Variants in DIPK2A observed in about 807,000 individuals in gnomAD.
DIPK2A encodes the protein divergent protein kinase domain 2A, also known as Golgi Protein of 49 kDa.
Under a neutral mutation model 39.0 loss-of-function variants are expected in DIPK2A, and 27 were observed. That is an observed-to-expected ratio of 0.69 (90% CI 0.51 to 0.96). The LOEUF is 0.96. Ranked by LOEUF, DIPK2A falls within the 40% of genes least tolerant of loss-of-function variation. The probability of loss-of-function intolerance (pLI) is 0.00; values close to 1 mark genes in which losing one functional copy is unlikely to be tolerated. For synonymous variants in DIPK2A, 298 were observed against 240.8 expected (o/e 1.24, Z -2.20); for missense variants, 528 against 571.3 (o/e 0.92, Z 0.77).
chr3:143,986,513 A>G (rs1025833311), intron 2 of DIPK2A, among the ~76,000 whole-genome samples: 36 of 152,234 alleles, frequency 2.4e-4, no homozygotes, highest in African/African-American at 7.9e-4. Context: ...TCACGAGGTC[A>G]GGAGATCGAG....
rs1559851908 is a variant in DIPK2A at position 143,972,780 on chromosome 3, AACG to A, written c.449_451del (p.Asn150_Gly151delinsSer). ...GCCCCGGACCGAGTTCGCGCGCCTC[AACG>A]GCGACGTGCGTCTGCTCACGCCCGA... On this transcript the variant is annotated inframe_deletion, in exon 1 of 3. Coordinates refer to ENST00000315691, the MANE Select transcript of DIPK2A (RefSeq NM_173552.5). The A allele has an allele frequency of 6.4e-7, 1 of 1,569,834 alleles. No homozygotes were observed. The highest frequency in any genetic ancestry group is 1.1e-5 in the South Asian group (1 of 87,112).
intron 1 of DIPK2A, among the ~76,000 whole-genome samples, chr3:143,976,553 T>TGAGAGA (rs1431718846): frequency 1.3e-4 from 13 of 103,596 alleles, no homozygotes; most frequent in Non-Finnish European, 2.4e-4. Flanking sequence ...TGTGTGTGTG[T>TGAGAGA]GTGAGAGAGA....
intron 1 of DIPK2A, among the ~76,000 whole-genome samples, chr3:143,977,447 T>C (rs1190999259): frequency 6.6e-6 from 1 of 152,010 alleles, no homozygotes; most frequent in East Asian, 1.9e-4. Context: ...CCCCCAAATT[T>C]TTACACACAT....
At position 143,992,228 on chromosome 3, in the gene DIPK2A, T is replaced by C. The variant is rs1165807830; in HGVS notation, c.*2387T>C. On this transcript the variant is annotated 3_prime_UTR_variant, in exon 3 of 3. Coordinates refer to ENST00000315691, the MANE Select transcript of DIPK2A (RefSeq NM_173552.5). ...TTTTGAATCAGACATTTGGGGTTTG[T>C]ATGTGCATTAAAATTGTCTTTTGTA... The C allele has an allele frequency of 2.0e-5, 3 of 152,648 alleles. No individual in the cohort carries two copies. Among genetic ancestry groups the C allele is most frequent in the Non-Finnish European group, 4.4e-5 (3 of 68,034 alleles). 9.5% of individuals were successfully genotyped at this position (152,648 alleles called of 1,614,324 possible). A position where few individuals can be genotyped will look rare whatever the true frequency, so the allele number is the denominator to read the frequency against.
At chr3:143,975,999 AT>A (rs1252971049) in intron 1 of DIPK2A, among the ~76,000 whole-genome samples, 3 of 152,100 alleles carry the variant, frequency 2.0e-5, no homozygotes, top group African/African-American at 7.2e-5. Flanking sequence ...ACCTCTTCTG[AT>A]TTGAAAAAAC....
intron 1 of DIPK2A, chr3:143,973,775 G>A (rs1368780871): frequency 1.2e-5 from 7 of 590,620 alleles, no homozygotes; most frequent in Admixed American, 3.0e-5. Context: ...CTTGCCTTTC[G>A]CCAGTTGCGT....
intron 1 of DIPK2A, chr3:143,973,240 T>G: frequency 1.7e-6 from 2 of 1,164,036 alleles, no homozygotes; most frequent in Non-Finnish European, 2.5e-6. Context: ...CTGTGGATCT[T>G]TCAACGCCAG....
chr3:143,989,486 C>T (rs1272143051), intron 2 of DIPK2A, 24 bp from the exon 3 acceptor site: 4 of 1,544,584 alleles, frequency 2.6e-6, no homozygotes, highest in Admixed American at 4.1e-5. Flanking sequence ...TTTTTTTCTA[C>T]TTCTGCTTTT....
intron 1 of DIPK2A, among the ~76,000 whole-genome samples, chr3:143,977,798 A>G (rs917704977): frequency 3.9e-5 from 6 of 152,142 alleles, no homozygotes; most frequent in Admixed American, 1.3e-4. Context: ...AACAAAAATA[A>G]TAAAACAATT....
chr3:143,980,582 C>T (rs1298290299), intron 1 of DIPK2A, among the ~76,000 whole-genome samples: 1 of 151,674 alleles, frequency 6.6e-6, no homozygotes, highest in East Asian at 1.9e-4. Context: ...TAAGCATTTT[C>T]TATGCTTTTG....
chr3:143,977,747 G>C (rs1042224211), intron 1 of DIPK2A, among the ~76,000 whole-genome samples: 4 of 151,994 alleles, frequency 2.6e-5, no homozygotes, highest in Non-Finnish European at 5.9e-5. Flanking sequence ...CTTTTCATCT[G>C]AGAGTCCATT....
chr3:143,974,882 AT>A, intron 1 of DIPK2A, among the ~76,000 whole-genome samples: 1 of 152,108 alleles, frequency 6.6e-6, no homozygotes, highest in East Asian at 1.9e-4. Flanking sequence ...AAGGTTTTAT[AT>A]TTTTTTAAGT....
At chr3:143,983,143 C>T (rs374718338) in intron 1 of DIPK2A, among the ~76,000 whole-genome samples, 5 of 152,060 alleles carry the variant, frequency 3.3e-5, no homozygotes, top group African/African-American at 1.2e-4. Context: ...ACTTTAACAC[C>T]CCATTGTCAA....
At position 143,972,370 on chromosome 3, in the gene DIPK2A, C is replaced by A. The variant is rs1241382583; in HGVS notation, c.38C>A (p.Ser13Tyr). The A allele has an allele frequency of 1.4e-6, 2 of 1,410,826 alleles. No individual in the cohort carries two copies. Among genetic ancestry groups the A allele is most frequent in the Admixed American group, 6.0e-5 (2 of 33,198 alleles). 87.4% of individuals were successfully genotyped at this position (1,410,826 alleles called of 1,614,324 possible). A position where few individuals can be genotyped will look rare whatever the true frequency, so the allele number is the denominator to read the frequency against. ...RLVPPKLGRL[S>Y]RSLKLAALGS... ...GTGCCCCCGAAGCTGGGCCGCCTGT[C>A]CCGCTCGCTGAAGCTGGCGGCGCTG... Residue 13 changes from serine (S) to tyrosine (Y), a missense_variant, in exon 1 of 3, where the codon TCC becomes TAC. By Grantham distance (144) the Ser-to-Tyr change is moderately radical (BLOSUM62 -2). This residue lies in a region of DIPK2A where 309 missense variants were observed against 289.8 expected (regional missense o/e 1.07). Transcript: ENST00000315691.
chr3:143,989,497 C>A lies in DIPK2A; in HGVS notation c.962-13C>A. On this transcript the variant is annotated splice_polypyrimidine_tract_variant and intron_variant, in intron 2 of 2. Coordinates refer to ENST00000315691, the MANE Select transcript of DIPK2A (RefSeq NM_173552.5). ...AAAATTTTTTTCTACTTCTGCTTTT[C>A]CTCCTTTCACAGATAAACCTGAAAA... 1 of 1,569,052 alleles carries A rather than the reference C, an allele frequency of 6.4e-7. No individual in the cohort carries two copies. The highest frequency in any genetic ancestry group is 8.6e-7 in the Non-Finnish European group (1 of 1,156,804).
At chr3:143,984,591 A>G (rs1444778770) in intron 1 of DIPK2A, among the ~76,000 whole-genome samples, 2 of 151,660 alleles carry the variant, frequency 1.3e-5, no homozygotes, top group African/African-American at 2.4e-5. Context: ...TCTAATGTTC[A>G]TTTTCTAGTT....
In DIPK2A at chr3:143,972,068, G is replaced by A. The variant is rs951296045; in HGVS notation, c.-265G>A. 2 of 375,520 alleles carry A rather than the reference G, an allele frequency of 5.3e-6. No individual in the cohort carries two copies. Among genetic ancestry groups the A allele is most frequent in the East Asian group, 3.8e-5 (1 of 26,100 alleles). The allele number at this position is 375,520 out of a possible 1,614,324, so 23.3% of individuals were successfully genotyped here. ...ATAACTTGGCTGGCGTGGAGGAGGCGCCGCCGGAGTCGGAGGGCGGGGAGC... is the reference window on the plus strand; with the variant it reads ...ATAACTTGGCTGGCGTGGAGGAGGCACCGCCGGAGTCGGAGGGCGGGGAGC... On this transcript the variant is annotated 5_prime_UTR_variant, in exon 1 of 3. Transcript: ENST00000315691.
intron 2 of DIPK2A, among the ~76,000 whole-genome samples, chr3:143,988,847 C>T (rs944705371): frequency 1.3e-5 from 2 of 152,320 alleles, no homozygotes; most frequent in Non-Finnish European, 2.9e-5. Context: ...TTTCTCCAAT[C>T]TAGCTTTTCA....
intron 1 of DIPK2A, among the ~76,000 whole-genome samples, chr3:143,983,404 C>G (rs1407773515): frequency 6.6e-6 from 1 of 152,168 alleles, no homozygotes; most frequent in Non-Finnish European, 1.5e-5. Flanking sequence ...TTAAGAAACT[C>G]ACTCAAAATT....
Sources: gnomAD v4.1 joint callset for allele counts (sites outside exome capture counted in the v4.1 genomes callset) on GRCh38, gnomAD v4.1.1 for gene constraint, gnomAD v4.1.1 regional missense constraint, MANE v1.5 for transcripts, NCBI Gene and HGNC (gene_info 2026-07-23, HGNC 2026-07-21) for gene names.